Variants in CERS6 observed in about 807,000 individuals in gnomAD.
CERS6 encodes the protein ceramide synthase 6.
A neutral mutation model predicts 56.8 loss-of-function variants in CERS6; 26 were observed. The ratio of observed to expected loss-of-function variants is 0.46; its 90% CI spans 0.34 to 0.63. The LOEUF (loss-of-function observed/expected upper bound fraction) is 0.63. Ranked by LOEUF, CERS6 falls within the 30% of genes least tolerant of loss-of-function variation. The pLI is 0.01. For synonymous variants in CERS6, 164 were observed against 173.3 expected, an observed-to-expected ratio of 0.95 and a Z score of 0.42; for missense variants, 415 against 467.5, an observed-to-expected ratio of 0.89 and a Z score of 1.04.
chr2:168,697,077 T>C (rs138250451), intron 6 of CERS6, among the ~76,000 whole-genome samples: 1 of 152,312 alleles, frequency 6.6e-6, no homozygotes, highest in African/African-American at 2.4e-5. Flanking sequence ...TCTGTGGGCC[T>C]ACTACTACCC....
intron 1 of CERS6, among the ~76,000 whole-genome samples, chr2:168,501,320 A>G (rs1694576283): frequency 6.6e-6 from 1 of 152,222 alleles, no homozygotes; most frequent in Non-Finnish European, 1.5e-5. Context: ...ACAATATTTG[A>G]TAAGGCTGTT....
chr2:168,738,394 C>G (rs918423660), intron 8 of CERS6, among the ~76,000 whole-genome samples: 1 of 152,166 alleles, frequency 6.6e-6, no homozygotes, highest in African/African-American at 2.4e-5. Context: ...AGGAACCAAA[C>G]AGAAAATAGT....
chr2:168,682,433 G>A (rs965140661), intron 4 of CERS6, among the ~76,000 whole-genome samples: 2 of 152,030 alleles, frequency 1.3e-5, no homozygotes, highest in Admixed American at 1.3e-4. Flanking sequence ...TACTTTAAAC[G>A]TAAAGTACAC....
intron 4 of CERS6, among the ~76,000 whole-genome samples, chr2:168,678,090 TTGG>T (rs1449846299): frequency 6.6e-6 from 1 of 152,198 alleles, no homozygotes; most frequent in Non-Finnish European, 1.5e-5. Context: ...TTTTACACTG[TTGG>T]TGGGAGTGTA....
chr2:168,701,626 T>C (rs1283313074), intron 6 of CERS6, among the ~76,000 whole-genome samples: 1 of 152,192 alleles, frequency 6.6e-6, no homozygotes, highest in African/African-American at 2.4e-5. Context: ...TGTCCCTCAG[T>C]ATCCATGGGG....
At chr2:168,493,642 A>G (rs534662701) in intron 1 of CERS6, among the ~76,000 whole-genome samples, 8 of 152,268 alleles carry the variant, frequency 5.3e-5, no homozygotes, top group African/African-American at 1.9e-4. Context: ...CAGATCAACC[A>G]TGATAGGAAT....
At chr2:168,727,185 G>C (rs1392795634) in intron 8 of CERS6, among the ~76,000 whole-genome samples, 1 of 152,026 alleles carries the variant, frequency 6.6e-6, no homozygotes, top group Non-Finnish European at 1.5e-5. Flanking sequence ...GTTGCTTTCT[G>C]TTGCTCTGTT....
At chr2:168,619,283 C>T (rs952034331) in intron 3 of CERS6, among the ~76,000 whole-genome samples, 4 of 152,132 alleles carry the variant, frequency 2.6e-5, no homozygotes, top group Non-Finnish European at 5.9e-5. Context: ...AAAAACCCTT[C>T]TAGACATTGG....
At chr2:168,560,417 C>A (rs944140685) in intron 2 of CERS6, among the ~76,000 whole-genome samples, 1 of 152,148 alleles carries the variant, frequency 6.6e-6, no homozygotes, top group African/African-American at 2.4e-5. Context: ...TGGTAAACAA[C>A]CTTTTCTTTT....
intron 5 of CERS6, among the ~76,000 whole-genome samples, chr2:168,693,573 T>A (rs1449945141): frequency 6.6e-6 from 1 of 152,152 alleles, no homozygotes; most frequent in African/African-American, 2.4e-5. Flanking sequence ...TCATCGTTAA[T>A]GCCTTCAAGT....
At chr2:168,554,378 C>G (rs563815950) in intron 2 of CERS6, among the ~76,000 whole-genome samples, 1 of 152,218 alleles carries the variant, frequency 6.6e-6, no homozygotes, top group African/African-American at 2.4e-5. Flanking sequence ...CAGAATGTAA[C>G]CTTATTTGGA....
At position 168,772,352 on chromosome 2, in the gene CERS6, G is replaced by A. The variant is rs902739666; in HGVS notation, c.*2690G>A. 6.6e-6 allele frequency: 1 copy of A among 152,564 alleles called. No homozygotes were observed. The highest frequency in any genetic ancestry group is 2.4e-5 in the African/African-American group (1 of 41,438). The allele number at this position is 152,564 out of a possible 1,614,324, so 9.5% of individuals were successfully genotyped here. A position where few individuals can be genotyped will look rare whatever the true frequency, so the allele number is the denominator to read the frequency against. On this transcript the variant is annotated 3_prime_UTR_variant, in exon 10 of 10. Transcript: ENST00000305747. ...TTCTGGATCTCTTAGTAGGGGGAAA[G>A]TAGAAAATCGAGTAGAATTTGGCCT...
At chr2:168,726,725 T>G (rs1683364782) in intron 8 of CERS6, among the ~76,000 whole-genome samples, 1 of 152,234 alleles carries the variant, frequency 6.6e-6, no homozygotes, top group Non-Finnish European at 1.5e-5. Context: ...TAAAATTCTT[T>G]ATAAATATTA....
chr2:168,768,214 A>C (rs1424005606), intron 9 of CERS6, among the ~76,000 whole-genome samples: 1 of 151,132 alleles, frequency 6.6e-6, no homozygotes, highest in Non-Finnish European at 1.5e-5. Context: ...GATGGGAGCC[A>C]GTTTTTTTTG....
In CERS6 at chr2:168,598,872, T is replaced by C. The variant is rs141605248; in HGVS notation, c.408-32113T>C. Among the ~76,000 whole-genome samples the C allele has an allele frequency of 3.9e-5, 6 of 152,354 alleles. No individual in the cohort carries two copies. The East Asian group carries it at 1.2e-3, about 29-fold the overall frequency. On this transcript the variant is annotated intron_variant, in intron 3 of 9. Transcript: ENST00000305747. ...TAGAGTAGGTATAGAAGAATCTTAC[T>C]GGAACATGGTCACAACTAATTCACC...
intron 4 of CERS6, chr2:168,644,417 A>G (rs1304296597): frequency 2.2e-6 from 2 of 923,864 alleles, no homozygotes; most frequent in Non-Finnish European, 2.6e-6. Flanking sequence ...GCAGATGAAC[A>G]AAGGTGGGGT....
At chr2:168,561,635 G>A (rs1695792036) in intron 3 of CERS6, among the ~76,000 whole-genome samples, 1 of 152,160 alleles carries the variant, frequency 6.6e-6, no homozygotes, top group African/African-American at 2.4e-5. Context: ...ATAGATGTGG[G>A]TAGTTTGAAT....
At chr2:168,514,291 G>A (rs980353209) in intron 1 of CERS6, among the ~76,000 whole-genome samples, 2 of 152,168 alleles carry the variant, frequency 1.3e-5, no homozygotes, top group Admixed American at 6.6e-5. Context: ...GCTCCCTCAT[G>A]CCAGCCCCCT....
intron 2 of CERS6, among the ~76,000 whole-genome samples, chr2:168,555,288 T>G (rs1002795548): frequency 1.3e-5 from 2 of 152,052 alleles, no homozygotes; most frequent in Admixed American, 6.6e-5. Context: ...TATTAACTCT[T>G]GGGTAAAATT....
Sources: gnomAD v4.1 joint callset for allele counts (sites outside exome capture counted in the v4.1 genomes callset) on GRCh38, gnomAD v4.1.1 for gene constraint, MANE v1.5 for transcripts, NCBI Gene and HGNC (gene_info 2026-07-23, HGNC 2026-07-21) for gene names.